Variants in ANKH observed in about 807,000 individuals in gnomAD.
ANKH encodes the protein mineralization regulator ANKH.
In ANKH, 15 loss-of-function variants were observed where a neutral mutation model predicts 49.0. The ratio of observed to expected loss-of-function variants is 0.31; its 90% CI spans 0.20 to 0.47. The LOEUF (loss-of-function observed/expected upper bound fraction) is 0.47, where lower values mean the gene tolerates loss of function less well. Ranked by LOEUF, ANKH falls within the 20% of genes least tolerant of loss-of-function variation. The pLI is 1.00. For synonymous variants in ANKH, 273 were observed against 260.0 expected, an observed-to-expected ratio of 1.05 and a Z score of -0.48; for missense variants, 429 against 652.0, an observed-to-expected ratio of 0.66 and a Z score of 3.72.
chr5:14,821,245 G>GTTA (rs751143230), intron 1 of ANKH, among the ~76,000 whole-genome samples: 6 of 152,120 alleles, frequency 3.9e-5, no homozygotes, highest in Non-Finnish European at 7.3e-5. Context: ...ATCCCTTGAG[G>GTTA]GTAATAATCT....
rs1736919100 is a variant in ANKH at position 14,705,630 on chromosome 5, C to CA, written c.*5566dup. The CA allele has an allele frequency of 6.6e-6, 1 of 152,568 alleles. No individual in the cohort carries two copies. The highest frequency in any genetic ancestry group is 1.5e-5 in the Non-Finnish European group (1 of 68,044). The allele number at this position is 152,568 out of a possible 1,614,324, so 9.5% of individuals were successfully genotyped here. A position where few individuals can be genotyped will look rare whatever the true frequency, so the allele number is the denominator to read the frequency against. On this transcript the variant is annotated 3_prime_UTR_variant, in exon 12 of 12. Coordinates refer to ENST00000284268, the MANE Select transcript of ANKH (RefSeq NM_054027.6). ...TACTAGCTTTAGACAGTTCCCTGAT[C>CA]AGTACATCATTAAGCAACCAAAATA...
chr5:14,808,408 T>A (rs1393771221), intron 1 of ANKH, among the ~76,000 whole-genome samples: 3 of 152,170 alleles, frequency 2.0e-5, no homozygotes, highest in Non-Finnish European at 2.9e-5. Context: ...TTCTGGGTAA[T>A]TAAAAAATTT....
At chr5:14,752,132 A>AC (rs1738740068) in intron 4 of ANKH, among the ~76,000 whole-genome samples, 1 of 152,002 alleles carries the variant, frequency 6.6e-6, no homozygotes, top group South Asian at 2.1e-4. Context: ...ACTTAGTGAG[A>AC]CCCCATCTCT....
chr5:14,743,681 A>C (rs1738437573), intron 7 of ANKH, among the ~76,000 whole-genome samples: 1 of 152,234 alleles, frequency 6.6e-6, no homozygotes, highest in African/African-American at 2.4e-5. Flanking sequence ...GAGGTGCCTA[A>C]GATTTTGGTG....
At chr5:14,855,848 G>GAAAAAAAAAAAAAAAAAA (rs796584176) in intron 1 of ANKH, among the ~76,000 whole-genome samples, 11 of 119,896 alleles carry the variant, frequency 9.2e-5, no homozygotes, top group Admixed American at 1.7e-4. Context: ...AAAAGAAAAA[G>GAAAAAAAAAAAAAAAAAA]AAAAAAAAAA....
At chr5:14,711,720 G>A (rs555604365) in intron 11 of ANKH, among the ~76,000 whole-genome samples, 65 of 152,280 alleles carry the variant, frequency 4.3e-4, no homozygotes, top group African/African-American at 1.5e-3. Flanking sequence ...TACAGCATCC[G>A]TCAGTCACCT....
At chr5:14,867,976 A>C (rs1387221474) in intron 1 of ANKH, among the ~76,000 whole-genome samples, 1 of 152,150 alleles carries the variant, frequency 6.6e-6, no homozygotes, top group East Asian at 1.9e-4. Flanking sequence ...AGGTTTTGCT[A>C]GTTTTGTTAG....
rs548177896 is a variant in ANKH, at chr5:14,731,941, C to T, written c.1011+9886G>A. On this transcript the variant is annotated intron_variant, in intron 8 of 11. Coordinates refer to ENST00000284268, the MANE Select transcript of ANKH (RefSeq NM_054027.6). ...CACACGGGAGGCCCAGGGAGCTGCG[C>T]GAGTGTCACGTGAACAGGGGTCATG... Among the ~76,000 whole-genome samples, 17 of 152,286 alleles carry T rather than the reference C, an allele frequency of 1.1e-4. No homozygotes were observed. In the East Asian group the frequency reaches 1.9e-3, roughly 17 times the overall value.
chr5:14,763,459 CA>C (rs1449420812), intron 2 of ANKH, among the ~76,000 whole-genome samples: 2 of 152,228 alleles, frequency 1.3e-5, no homozygotes, highest in Admixed American at 6.5e-5. Context: ...CAGTTTCCTG[CA>C]TATGGGCTGG....
chr5:14,714,075 C>G (rs1018818388), intron 9 of ANKH, among the ~76,000 whole-genome samples: 11 of 152,262 alleles, frequency 7.2e-5, no homozygotes, highest in African/African-American at 1.9e-4. Flanking sequence ...AAGCTGGCAT[C>G]AGAAGCCATC....
intron 1 of ANKH, among the ~76,000 whole-genome samples, chr5:14,817,539 T>G (rs1033144513): frequency 1.1e-4 from 16 of 152,318 alleles, no homozygotes; most frequent in Admixed American, 9.8e-4. Flanking sequence ...ACCAGCTTTC[T>G]CCTTACTCCT....
At chr5:14,727,912 A>G (rs1409297593) in intron 8 of ANKH, among the ~76,000 whole-genome samples, 1 of 152,232 alleles carries the variant, frequency 6.6e-6, no homozygotes, top group Non-Finnish European at 1.5e-5. Context: ...TGCTTATAAC[A>G]GCACACTCTG....
intron 1 of ANKH, among the ~76,000 whole-genome samples, chr5:14,771,479 A>G (rs923029263): frequency 1.3e-5 from 2 of 152,156 alleles, no homozygotes; most frequent in Non-Finnish European, 2.9e-5. Flanking sequence ...ACTTCCCTGT[A>G]TGTAAGTCCC....
Position 14,849,513 on chromosome 5 carries a change from G to T in ANKH, c.96+21839C>A, listed in dbSNP as rs149284971. ...GTGAGCTCAACAGACAATACTGTTT[G>T]CTAGCTCTTAGATCATTATCACTTC... is the stretch of plus-strand genomic sequence containing the variant. On this transcript the variant is annotated intron_variant, in intron 1 of 11. Coordinates refer to ENST00000284268, the MANE Select transcript of ANKH (RefSeq NM_054027.6). Among the ~76,000 whole-genome samples the T allele has an allele frequency of 2.8e-4, 42 of 152,306 alleles. 1 individual carries two copies. Among genetic ancestry groups the T allele is most frequent in the African/African-American group, 7.2e-4 (30 of 41,564 alleles).
chr5:14,773,060 C>A (rs895583059), intron 1 of ANKH, among the ~76,000 whole-genome samples: 2 of 152,240 alleles, frequency 1.3e-5, no homozygotes, highest in African/African-American at 4.8e-5. Context: ...CCTCTATGCA[C>A]TTTTCCCCAC....
At position 14,755,849 on chromosome 5, in the gene ANKH, G is replaced by A; in HGVS notation, c.516+12C>T. 1.2e-6 allele frequency: 2 copies of A among 1,612,824 alleles called. No individual in the cohort carries two copies. The highest frequency in any genetic ancestry group is 1.7e-6 in the Non-Finnish European group (2 of 1,178,828). On this transcript the variant is annotated intron_variant, in intron 4 of 11. Coordinates refer to ENST00000284268, the MANE Select transcript of ANKH (RefSeq NM_054027.6). ...TCTGAGGAGCTCTGATTGACACACA[G>A]ACCATATTTACCTGAGCTATGACAT...
chr5:14,765,353 T>G (rs1176510213), intron 2 of ANKH, among the ~76,000 whole-genome samples: 1 of 152,244 alleles, frequency 6.6e-6, no homozygotes, highest in Non-Finnish European at 1.5e-5. Context: ...GTGGATCTTC[T>G]AGACTTCAAC....
At chr5:14,863,370 T>C (rs1361063855) in intron 1 of ANKH, among the ~76,000 whole-genome samples, 4 of 152,174 alleles carry the variant, frequency 2.6e-5, no homozygotes, top group Non-Finnish European at 5.9e-5. Flanking sequence ...CGTGACTGCC[T>C]GGCACAATGG....
chr5:14,811,828 C>CAT lies in ANKH; in HGVS notation c.97-42639_97-42638dup, dbSNP rs1740891684. On this transcript the variant is annotated intron_variant, in intron 1 of 11. Transcript: ENST00000284268. Reference sequence around the variant, plus strand: ...ATTAGCCATGGGGGCAAGGATGTCTCATTTACCTTTTCATAAAGATTCCAT... The same window carrying CAT: ...ATTAGCCATGGGGGCAAGGATGTCTCATATTTACCTTTTCATAAAGATTCCAT... 3.9e-5 allele frequency among the ~76,000 whole-genome samples: 6 copies of CAT among 152,258 alleles called. No individual in the cohort carries two copies. The South Asian group carries it at 1.2e-3, about 32-fold the overall frequency.
Sources: allele counts gnomAD v4.1 joint callset (sites outside exome capture counted in the v4.1 genomes callset), GRCh38; gene constraint gnomAD v4.1.1; transcripts MANE v1.5; gene names NCBI Gene and HGNC (gene_info 2026-07-23, HGNC 2026-07-21).